Variants in ELP1 observed in about 807,000 individuals in gnomAD.
ELP1 encodes elongator complex protein 1.
Under a neutral mutation model 183.2 loss-of-function variants are expected in ELP1, and 131 were observed. The ratio of observed to expected loss-of-function variants is 0.72; its 90% confidence interval spans 0.62 to 0.83. ELP1 has a LOEUF of 0.83. Among genes scored for constraint, ELP1 ranks in the 40% least tolerant of loss-of-function variants. ELP1 has a pLI of 0.00. For synonymous variants in ELP1, 555 were observed against 569.0 expected (o/e 0.98, Z 0.35); for missense variants, 1,550 against 1,594.9 (o/e 0.97, Z 0.48).
At chr9:108,904,168 C>G (rs1036371971) in intron 14 of ELP1, among the ~76,000 whole-genome samples, 2 of 152,008 alleles carry the variant, frequency 1.3e-5, no homozygotes, top group South Asian at 4.1e-4. Context: ...TGTGGATTTT[C>G]ACTAATGAGA....
chr9:108,917,686 G>A lies in ELP1; in HGVS notation c.741-16C>T, dbSNP rs374876282. 1 of 1,602,110 alleles carries A rather than the reference G, an allele frequency of 6.2e-7. No individual in the cohort carries two copies. Among genetic ancestry groups the A allele is most frequent in the Non-Finnish European group, 8.6e-7 (1 of 1,169,470 alleles). On this transcript the variant is annotated splice_polypyrimidine_tract_variant and intron_variant, in intron 8 of 36. Transcript: ENST00000374647. ...GCCTGAGGGTCTTAAAGCAAACTCA[G>A]AGTGTTACAATATCGAAAGCTCACC... is the stretch of plus-strand genomic sequence containing the variant.
At position 108,917,768 on chromosome 9, in the gene ELP1, T is replaced by C. The variant is rs566941153; in HGVS notation, c.741-98A>G. ...TTTTTTTCCAGCAAACATGAATGAA[T>C]GAATGAACGAATTAATGAATATCTT... On this transcript the variant is annotated intron_variant, in intron 8 of 36. Coordinates refer to ENST00000374647, the MANE Select transcript of ELP1 (RefSeq NM_003640.5). The C allele has an allele frequency of 1.7e-5, 21 of 1,227,592 alleles. 1 individual carries two copies. The highest frequency in any genetic ancestry group is 1.3e-4 in the African/African-American group (9 of 67,382). 76.0% of individuals were successfully genotyped at this position (1,227,592 alleles called of 1,614,324 possible).
At chr9:108,886,395 C>T (rs1261240940) in intron 29 of ELP1, among the ~76,000 whole-genome samples, 2 of 152,142 alleles carry the variant, frequency 1.3e-5, no homozygotes, top group African/African-American at 2.4e-5. Context: ...TACAATATCC[C>T]TCATGAACAC....
chr9:108,925,549 C>T (rs979664459), intron 5 of ELP1, among the ~76,000 whole-genome samples: 1 of 152,084 alleles, frequency 6.6e-6, no homozygotes, highest in Non-Finnish European at 1.5e-5. Context: ...GACTACTCCC[C>T]ACCCTTATCC....
chr9:108,932,402 C>T (rs1474087310), intron 1 of ELP1, among the ~76,000 whole-genome samples: 1 of 152,106 alleles, frequency 6.6e-6, no homozygotes, highest in African/African-American at 2.4e-5. Context: ...GGTGCAATGG[C>T]GCGATCTCGG....
At chr9:108,911,800 T>C (rs1314061095) in intron 11 of ELP1, among the ~76,000 whole-genome samples, 2 of 151,332 alleles carry the variant, frequency 1.3e-5, no homozygotes, top group Admixed American at 1.3e-4. Context: ...ATAAACCTAA[T>C]CTTCATATTA....
chr9:108,893,940 T>A lies in ELP1; in HGVS notation c.2860+3A>T. On this transcript the variant is annotated splice_donor_region_variant and intron_variant, in intron 26 of 36. Transcript: ENST00000374647. ...AGATAAACATACTAATCCCCACACT[T>A]ACCACATTTGCTGAGGTGGCCAATG... The A allele has an allele frequency of 6.2e-7, 1 of 1,613,760 alleles. No homozygotes were observed. Among genetic ancestry groups the A allele is most frequent in the Non-Finnish European group, 8.5e-7 (1 of 1,179,796 alleles).
chr9:108,904,430 A>G (rs1189805959), intron 14 of ELP1, among the ~76,000 whole-genome samples: 2 of 152,154 alleles, frequency 1.3e-5, no homozygotes, highest in African/African-American at 4.8e-5. Context: ...AGAGGTAGTG[A>G]TTAAAAAAAG....
At chr9:108,881,645 T>C in intron 31 of ELP1, 60 bp downstream of exon 31, 1 of 1,021,684 alleles carries the variant, frequency 9.8e-7, no homozygotes, top group East Asian at 2.4e-5. Context: ...GGAGACTCTC[T>C]CATCTCTCTC....
intron 2 of ELP1, among the ~76,000 whole-genome samples, chr9:108,930,393 T>C (rs901912137): frequency 6.6e-6 from 1 of 152,224 alleles, no homozygotes; most frequent in African/African-American, 2.4e-5. Flanking sequence ...CTCAAACTTT[T>C]AGAAAGCTCC....
chr9:108,930,515 C>G (rs1007720016), intron 2 of ELP1, among the ~76,000 whole-genome samples: 1 of 151,964 alleles, frequency 6.6e-6, no homozygotes, highest in Non-Finnish European at 1.5e-5. Flanking sequence ...ACGGTGAAAC[C>G]GCACATCTAC....
At chr9:108,931,633 TGAA>T (rs1830006569) in intron 1 of ELP1, among the ~76,000 whole-genome samples, 1 of 152,220 alleles carries the variant, frequency 6.6e-6, no homozygotes, top group South Asian at 2.1e-4. Context: ...TACTGGCAGT[TGAA>T]GAGAATCTGA....
chr9:108,898,094 A>G (rs113984905), intron 22 of ELP1, among the ~76,000 whole-genome samples: 9 of 152,308 alleles, frequency 5.9e-5, no homozygotes, highest in African/African-American at 2.2e-4. Context: ...ACAGAAAAAT[A>G]TAAACTGGCG....
chr9:108,879,624 G>T, intron 32 of ELP1, 67 bp from the exon 33 acceptor site: 1 of 1,129,616 alleles, frequency 8.9e-7, no homozygotes, highest in East Asian at 2.4e-5. Flanking sequence ...CTTTCAGGGC[G>T]GTAAATGAAC....
At chr9:108,909,362 A>C (rs1829128139) in intron 12 of ELP1, among the ~76,000 whole-genome samples, 2 of 152,186 alleles carry the variant, frequency 1.3e-5, no homozygotes. Flanking sequence ...GGCATATAAT[A>C]AACAATCAAG....
intron 12 of ELP1, among the ~76,000 whole-genome samples, chr9:108,909,821 A>G (rs543266619): frequency 6.6e-5 from 10 of 152,292 alleles, no homozygotes; most frequent in East Asian, 1.9e-4. Context: ...ATCTCATCAC[A>G]GGGAGTTTTC....
At chr9:108,922,751 T>C (rs1829690233) in intron 6 of ELP1, 91 bp downstream of exon 6, 2 of 880,610 alleles carry the variant, frequency 2.3e-6, no homozygotes, top group African/African-American at 1.6e-5. Flanking sequence ...TGTTCATTAC[T>C]GGCATCTAAG....
Position 108,868,755 on chromosome 9 carries a change from A to G in ELP1, c.*360T>C, listed in dbSNP as rs1468403783. On this transcript the variant is annotated 3_prime_UTR_variant, in exon 37 of 37. Coordinates refer to ENST00000374647, the MANE Select transcript of ELP1 (RefSeq NM_003640.5). ...TGTAATCTTCTCCGCCAACAAAATA[A>G]GACAATTTAGAAACATTGTTTTACT... 1.8e-6 allele frequency: 1 copy of G among 557,648 alleles called. No individual in the cohort carries two copies. The highest frequency in any genetic ancestry group is 1.9e-5 in the African/African-American group (1 of 53,404). The allele number at this position is 557,648 out of a possible 1,614,324, so 34.5% of individuals were successfully genotyped here.
chr9:108,898,632 A>G (rs1364916073), intron 21 of ELP1, 39 bp downstream of exon 21: 1 of 1,601,318 alleles, frequency 6.2e-7, no homozygotes, highest in Non-Finnish European at 8.6e-7. Context: ...TAGTTTAAGT[A>G]CAAAGTAAGC....
Sources: allele counts gnomAD v4.1 joint callset (sites outside exome capture counted in the v4.1 genomes callset), GRCh38; gene constraint gnomAD v4.1.1; transcripts MANE v1.5; gene names NCBI Gene and HGNC (gene_info 2026-07-23, HGNC 2026-07-21).